TENM3: variants seen among roughly 807,000 people sequenced by gnomAD.
TENM3 encodes teneurin transmembrane protein 3, also known as teneurin-3.
A neutral mutation model predicts 255.1 loss-of-function variants in TENM3; 63 were observed. The observed-to-expected ratio is 0.25, with a 90% CI of 0.20 to 0.30. The LOEUF is 0.30. TENM3 is among the 10% of genes least tolerant of loss of function. TENM3 has a pLI of 1.00. For synonymous variants in TENM3, 1,306 were observed against 1,322.3 expected (o/e 0.99, Z 0.27); for missense variants, 2,929 against 3,461.1 (o/e 0.85, Z 3.86).
the TENM3 span, among the ~76,000 whole-genome samples, chr4:181,845,083 T>C: frequency 6.6e-6 from 1 of 152,276 alleles, no homozygotes; most frequent in East Asian, 1.9e-4. Context: ...AAGTCTACTT[T>C]GTTTCTAAAT....
At chr4:181,624,365 G>T in the TENM3 span, among the ~76,000 whole-genome samples, 1 of 152,214 alleles carries the variant, frequency 6.6e-6, no homozygotes, top group African/African-American at 2.4e-5. Flanking sequence ...AATGGCCGAA[G>T]TAAATCCCAT....
At chr4:182,656,963 CA>C (rs761233673) in intron 6 of TENM3, among the ~76,000 whole-genome samples, 12 of 152,074 alleles carry the variant, frequency 7.9e-5, no homozygotes, top group Non-Finnish European at 1.5e-4. Flanking sequence ...GGGTCTTAGA[CA>C]AAACTGATGG....
chr4:181,775,168 T>C, the TENM3 span, among the ~76,000 whole-genome samples: 1 of 152,214 alleles, frequency 6.6e-6, no homozygotes, highest in East Asian at 1.9e-4. Context: ...GGGCCGTGAC[T>C]CTCCTTTCTC....
At chr4:181,766,039 A>G in the TENM3 span, among the ~76,000 whole-genome samples, 3,798 of 152,280 alleles carry the variant, frequency 0.025, 77 homozygotes, top group Middle Eastern at 0.075. Flanking sequence ...CTTGGGAAAC[A>G]TAATTCTGAC....
intron 4 of TENM3, among the ~76,000 whole-genome samples, chr4:182,619,484 A>C (rs1749889642): frequency 6.6e-6 from 1 of 152,096 alleles, no homozygotes; most frequent in Non-Finnish European, 1.5e-5. Context: ...TCAAAAGGTT[A>C]CTCTAAAGCC....
chr4:181,754,946 A>G, the TENM3 span, among the ~76,000 whole-genome samples: 1 of 152,164 alleles, frequency 6.6e-6, no homozygotes, highest in African/African-American at 2.4e-5. Context: ...AGACATTATC[A>G]AGGTCACGTG....
chr4:182,487,069 G>A (rs1303157515), intron 3 of TENM3, among the ~76,000 whole-genome samples: 3 of 152,144 alleles, frequency 2.0e-5, no homozygotes, highest in Non-Finnish European at 4.4e-5. Flanking sequence ...AGTGTTAAAG[G>A]AGCTCCACAG....
At chr4:182,385,960 A>G (rs1767888473) in intron 3 of TENM3, among the ~76,000 whole-genome samples, 2 of 152,322 alleles carry the variant, frequency 1.3e-5, no homozygotes, top group South Asian at 4.1e-4. Context: ...CTGATTTTAT[A>G]CCTAGGAAAA....
intron 22 of TENM3, among the ~76,000 whole-genome samples, chr4:182,772,785 A>G (rs1764367760): frequency 6.6e-6 from 1 of 152,202 alleles, no homozygotes; most frequent in Admixed American, 6.5e-5. Flanking sequence ...ATAATCATTA[A>G]ATGTCAGGAA....
At chr4:182,180,433 T>C (rs1752768943) in intron 1 of TENM3, among the ~76,000 whole-genome samples, 1 of 152,190 alleles carries the variant, frequency 6.6e-6, no homozygotes, top group Non-Finnish European at 1.5e-5. Flanking sequence ...TTAGCATAAA[T>C]TTATGCAGTG....
At chr4:182,022,553 A>G in the TENM3 span, among the ~76,000 whole-genome samples, 17 of 152,132 alleles carry the variant, frequency 1.1e-4, no homozygotes, top group Admixed American at 1.1e-3. Context: ...AAAAATCCAA[A>G]AAGAAAAGAG....
intron 1 of TENM3, among the ~76,000 whole-genome samples, chr4:182,307,692 C>T (rs1405250582): frequency 6.6e-6 from 1 of 152,170 alleles, no homozygotes; most frequent in East Asian, 1.9e-4. Context: ...TCAACAGTGA[C>T]GACTGCATTT....
At chr4:182,760,791 C>T (rs971075054) in intron 22 of TENM3, among the ~76,000 whole-genome samples, 5 of 152,116 alleles carry the variant, frequency 3.3e-5, no homozygotes. Context: ...ACTCAGTGCC[C>T]ATGGCAAACC....
the TENM3 span, among the ~76,000 whole-genome samples, chr4:182,070,548 T>C: frequency 2.0e-5 from 3 of 151,950 alleles, no homozygotes; most frequent in Non-Finnish European, 4.4e-5. Flanking sequence ...ACCTGGGAGG[T>C]GGAGGATGCA....
chr4:181,679,603 A>AT, the TENM3 span, among the ~76,000 whole-genome samples: 1 of 152,106 alleles, frequency 6.6e-6, no homozygotes, highest in Non-Finnish European at 1.5e-5. Context: ...TTTTCAAGCT[A>AT]TTTTTATCAG....
chr4:182,744,301 A>AGCACTTTT, intron 19 of TENM3: 4 of 410,160 alleles, frequency 9.8e-6, no homozygotes, highest in Middle Eastern at 8.1e-4. Flanking sequence ...GAAGGAATTA[A>AGCACTTTT]AAGTGCTTAA....
rs1732764318 is a variant in TENM3, at chr4:182,468,112, C to T, written c.511+121183C>T. Among the ~76,000 whole-genome samples, 2 of 152,028 alleles carry T rather than the reference C, an allele frequency of 1.3e-5. 1 individual carries two copies. The highest frequency in any genetic ancestry group is 4.1e-4 in the South Asian group (2 of 4,822). Reference sequence around the variant, plus strand: ...CAGTTTAAAAATGTTTTAGGCCGGGCCTGGTGGCTCATGCCTGTAATCCCA... The same window carrying T: ...CAGTTTAAAAATGTTTTAGGCCGGGTCTGGTGGCTCATGCCTGTAATCCCA... On this transcript the variant is annotated intron_variant, in intron 3 of 27. Coordinates refer to ENST00000511685, the MANE Select transcript of TENM3 (RefSeq NM_001080477.4).
chr4:181,908,248 G>A, the TENM3 span, among the ~76,000 whole-genome samples: 1 of 152,038 alleles, frequency 6.6e-6, no homozygotes, highest in Admixed American at 6.6e-5. Context: ...AATAATTAGG[G>A]ACTGATTAGA....
intron 3 of TENM3, among the ~76,000 whole-genome samples, chr4:182,388,085 A>G (rs1466084647): frequency 6.6e-6 from 1 of 152,128 alleles, no homozygotes; most frequent in East Asian, 1.9e-4. Context: ...GAGGAATTAA[A>G]CCTTGCGAAT....
Sources: gnomAD v4.1 joint callset for allele counts (sites outside exome capture counted in the v4.1 genomes callset) on GRCh38, gnomAD v4.1.1 for gene constraint, MANE v1.5 for transcripts, NCBI Gene and HGNC (gene_info 2026-07-23, HGNC 2026-07-21) for gene names.